CA2: variants seen among roughly 807,000 people sequenced by gnomAD.
CA2 encodes the protein carbonic anhydrase 2.
Under a neutral mutation model 27.8 loss-of-function variants are expected in CA2, and 23 were observed. The ratio of observed to expected loss-of-function variants is 0.83; its 90% CI spans 0.59 to 1.17. CA2 has a LOEUF of 1.17. Among genes scored for constraint, CA2 ranks in the 50% most tolerant of loss-of-function variants. The pLI, the probability that CA2 is intolerant of heterozygous loss-of-function variation, is 0.00. For missense variants in CA2, 300 were observed against 314.7 expected, an observed-to-expected ratio of 0.95 and a Z score of 0.35; for synonymous variants, 99 against 114.9, an observed-to-expected ratio of 0.86 and a Z score of 0.88.
In CA2 at chr8:85,473,010, T is replaced by TAATAAATA. The variant is rs35554360; in HGVS notation, c.233-661_233-654dup. Among the ~76,000 whole-genome samples, 130 of 141,478 alleles carry TAATAAATA rather than the reference T, an allele frequency of 9.2e-4. 2 individuals are homozygous for TAATAAATA. Among genetic ancestry groups the TAATAAATA allele is most frequent in the South Asian group, 5.8e-3 (25 of 4,296 alleles). 92.8% of individuals were successfully genotyped at this position (141,478 alleles called of 152,430 possible). On this transcript the variant is annotated intron_variant, in intron 2 of 6. Coordinates refer to ENST00000285379, the MANE Select transcript of CA2 (RefSeq NM_000067.3). ...CTCTGTTTCAAAATAATAATAATAA[T>TAATAAATA]AATAAATAAATAAATAAATAAATAA...
chr8:85,467,426 A>C (rs1811646538), intron 2 of CA2, among the ~76,000 whole-genome samples: 1 of 152,216 alleles, frequency 6.6e-6, no homozygotes, highest in Admixed American at 6.5e-5. Context: ...CAGTATATGT[A>C]AAGCCCCTAG....
Position 85,481,312 on chromosome 8 carries a change from T to A in CA2, c.*523T>A, listed in dbSNP as rs1054018356. On this transcript the variant is annotated 3_prime_UTR_variant, in exon 7 of 7. Coordinates refer to ENST00000285379, the MANE Select transcript of CA2 (RefSeq NM_000067.3). ...ATTATATATTTATAGCAAAGTTATC[T>A]TAAATATGAATTCTGTTGTAATTTA... 1.9e-5 allele frequency: 3 copies of A among 154,150 alleles called. No individual in the cohort carries two copies. The highest frequency in any genetic ancestry group is 4.3e-5 in the Non-Finnish European group (3 of 69,028). 9.5% of individuals were successfully genotyped at this position (154,150 alleles called of 1,614,324 possible). A position where few individuals can be genotyped will look rare whatever the true frequency, so the allele number is the denominator to read the frequency against.
Position 85,480,649 on chromosome 8 carries a change from A to G in CA2, c.664-21A>G, listed in dbSNP as rs373966106. On this transcript the variant is annotated intron_variant, in intron 6 of 6. Transcript: ENST00000285379. ...TACCATTGTGAAACATTAATTATCAATGTTTTATTGTGTCTTTTAGGTGTT... is the reference window on the plus strand; with the variant it reads ...TACCATTGTGAAACATTAATTATCAGTGTTTTATTGTGTCTTTTAGGTGTT... 27 of 1,606,490 alleles carry G rather than the reference A, an allele frequency of 1.7e-5. No homozygotes were observed. In the African/African-American group the frequency reaches 2.5e-4, roughly 15 times the overall value.
chr8:85,467,744 A>T (rs973887593), intron 2 of CA2, among the ~76,000 whole-genome samples: 1 of 152,240 alleles, frequency 6.6e-6, no homozygotes, highest in Admixed American at 6.5e-5. Context: ...TTTCTCTATA[A>T]GCAGTAACTA....
intron 2 of CA2, among the ~76,000 whole-genome samples, chr8:85,470,154 T>G (rs1171825799): frequency 1.3e-5 from 2 of 152,212 alleles, no homozygotes; most frequent in Non-Finnish European, 2.9e-5. Flanking sequence ...CCACGACTTC[T>G]GTTGAATTTC....
At chr8:85,478,176 C>T (rs1586017459) in intron 6 of CA2, among the ~76,000 whole-genome samples, 1 of 152,230 alleles carries the variant, frequency 6.6e-6, no homozygotes, top group Non-Finnish European at 1.5e-5. Context: ...TTCCACTCAG[C>T]TACCTTGCAA....
At chr8:85,472,266 T>C (rs570709096) in intron 2 of CA2, among the ~76,000 whole-genome samples, 36 of 152,320 alleles carry the variant, frequency 2.4e-4, no homozygotes, top group African/African-American at 8.7e-4. Context: ...AATACACTTA[T>C]AGCAACAAAT....
chr8:85,470,927 G>A (rs914863849), intron 2 of CA2, among the ~76,000 whole-genome samples: 3 of 151,986 alleles, frequency 2.0e-5, no homozygotes, highest in African/African-American at 7.2e-5. Context: ...CACTGCCATG[G>A]CTGGATTTTA....
At chr8:85,464,172 G>T in intron 1 of CA2, 57 bp downstream of exon 1, 1 of 1,478,168 alleles carries the variant, frequency 6.8e-7, no homozygotes, top group Non-Finnish European at 9.1e-7. Flanking sequence ...CCCGATCCCC[G>T]ATCCCCGAGC....
chr8:85,470,887 G>A (rs1811704934), intron 2 of CA2, among the ~76,000 whole-genome samples: 1 of 151,828 alleles, frequency 6.6e-6, no homozygotes. Context: ...CATTTCTGGG[G>A]TACAATGAAT....
rs749302504 is a variant in CA2, at chr8:85,465,387, C to G, written c.150C>G (p.Ser50=). The G allele has an allele frequency of 6.2e-7, 1 of 1,614,192 alleles. No individual in the cohort carries two copies. Among genetic ancestry groups the G allele is most frequent in the East Asian group, 2.2e-5 (1 of 44,886 alleles). The part of the protein sequence containing the change: ...YDPSLKPLSV[S]YDQATSLRIL... ...CTTCCCTGAAGCCCCTGTCTGTTTC[C>G]TATGATCAAGCAACTTCCCTGAGGA... The change falls in exon 2 of 7, where the codon TCC becomes TCG. Residue 50 remains serine (S), a synonymous_variant. Transcript: ENST00000285379.
intron 6 of CA2, 130 bp from the exon 7 acceptor site, chr8:85,480,540 T>G: frequency 3.4e-6 from 3 of 873,356 alleles, no homozygotes; most frequent in Non-Finnish European, 5.5e-6. Context: ...GCCTCAGCCT[T>G]ACAAAGTGCT....
intron 1 of CA2, chr8:85,465,034 T>A (rs1339499205): frequency 1.3e-5 from 7 of 527,886 alleles, no homozygotes; most frequent in Non-Finnish European, 2.4e-5. Flanking sequence ...CTAAGAGCTT[T>A]ACATATATCG....
Position 85,464,221 on chromosome 8 carries a change from T to A in CA2, c.34+106T>A. 5.6e-6 allele frequency: 6 copies of A among 1,080,762 alleles called. No individual in the cohort carries two copies. The East Asian group carries it at 9.0e-5, about 16-fold the overall frequency. 66.9% of individuals were successfully genotyped at this position (1,080,762 alleles called of 1,614,324 possible). A position where few individuals can be genotyped will look rare whatever the true frequency, so the allele number is the denominator to read the frequency against. On this transcript the variant is annotated intron_variant, in intron 1 of 6. Coordinates refer to ENST00000285379, the MANE Select transcript of CA2 (RefSeq NM_000067.3). ...CGGGGCCCGCAGCGCCCGCACATGCTGTTTACCGCGGCCGCGGGGAGTGCT... is the reference window on the plus strand; with the variant it reads ...CGGGGCCCGCAGCGCCCGCACATGCAGTTTACCGCGGCCGCGGGGAGTGCT...
chr8:85,479,226 A>AT lies in CA2; in HGVS notation c.664-1443dup, dbSNP rs1383215816. Among the ~76,000 whole-genome samples the AT allele has an allele frequency of 2.0e-5, 3 of 152,352 alleles. No homozygotes were observed. The East Asian group carries it at 5.8e-4, about 29-fold the overall frequency. On this transcript the variant is annotated intron_variant, in intron 6 of 6. Coordinates refer to ENST00000285379, the MANE Select transcript of CA2 (RefSeq NM_000067.3). ...CTAAAACAATGAGTCAAGTTGACTA[A>AT]TGTGACAGTGTAGTTTAATTGGTGC...
In CA2 at chr8:85,465,336, C is replaced by G; in HGVS notation, c.99C>G (p.Ile33Met). The G allele has an allele frequency of 6.2e-7, 1 of 1,614,130 alleles. No individual in the cohort carries two copies. The change falls in exon 2 of 7, where the codon ATC becomes ATG. Residue 33 changes from isoleucine (I) to methionine (M), a missense_variant. By Grantham distance (10) the Ile-to-Met change is conservative (BLOSUM62 1). Around this residue, in one of 3 missense-constraint regions of CA2, gnomAD observed 122 missense variants for 133.2 expected, o/e 0.92. Transcript: ENST00000285379. ...GAGAGCGCCAGTCCCCTGTTGACATCGACACTCATACAGCCAAGTATGACC... is the reference window on the plus strand; with the variant it reads ...GAGAGCGCCAGTCCCCTGTTGACATGGACACTCATACAGCCAAGTATGACC... ...AKGERQSPVD[I>M]DTHTAKYDPS...
In CA2 at chr8:85,473,010, T is replaced by TAATAATA. The variant is rs1446379714; in HGVS notation, c.233-678_233-677insTAAATAA. 4.1e-3 allele frequency among the ~76,000 whole-genome samples: 577 copies of TAATAATA among 141,468 alleles called. 2 individuals are homozygous for TAATAATA. Among genetic ancestry groups the TAATAATA allele is most frequent in the Middle Eastern group, 0.011 (3 of 270 alleles). The allele number at this position is 141,468 out of a possible 152,430, so 92.8% of individuals were successfully genotyped here. ...CTCTGTTTCAAAATAATAATAATAA[T>TAATAATA]AATAAATAAATAAATAAATAAATAA... On this transcript the variant is annotated intron_variant, in intron 2 of 6. Coordinates refer to ENST00000285379, the MANE Select transcript of CA2 (RefSeq NM_000067.3).
chr8:85,477,288 A>C lies in CA2; in HGVS notation c.663+13A>C. Reference sequence around the variant, plus strand: ...CAGCAGCGAGCAGGTTTGTTTTGTAATGACAGGTCTGTTTACGGGTGGAGC... The same window carrying C: ...CAGCAGCGAGCAGGTTTGTTTTGTACTGACAGGTCTGTTTACGGGTGGAGC... On this transcript the variant is annotated intron_variant, in intron 6 of 6. Coordinates refer to ENST00000285379, the MANE Select transcript of CA2 (RefSeq NM_000067.3). The C allele has an allele frequency of 6.2e-7, 1 of 1,614,028 alleles. No homozygotes were observed.
chr8:85,467,780 G>A (rs1811650466), intron 2 of CA2, among the ~76,000 whole-genome samples: 1 of 152,140 alleles, frequency 6.6e-6, no homozygotes, highest in Non-Finnish European at 1.5e-5. Context: ...ATTTTTCACA[G>A]CTATTTCTTC....
Sources: gnomAD v4.1 joint callset for allele counts (sites outside exome capture counted in the v4.1 genomes callset) on GRCh38, gnomAD v4.1.1 for gene constraint, gnomAD v4.1.1 regional missense constraint, MANE v1.5 for transcripts, NCBI Gene and HGNC (gene_info 2026-07-23, HGNC 2026-07-21) for gene names.